The following ZDHHC9 variants were observed in gnomAD, a reference collection of about 807,000 sequenced individuals.
The protein encoded by ZDHHC9 is zDHHC palmitoyltransferase 9.
Under a neutral mutation model 26.6 loss-of-function variants are expected in ZDHHC9, and 3 were observed. That is an observed-to-expected ratio of 0.11 (90% CI 0.05 to 0.29). The LOEUF (loss-of-function observed/expected upper bound fraction) is 0.29. ZDHHC9 is among the 10% of genes least tolerant of loss of function. ZDHHC9 has a pLI of 1.00. For missense variants in ZDHHC9, 146 were observed against 296.4 expected (o/e 0.49, Z 3.73); for synonymous variants, 111 against 109.4 (o/e 1.01, Z -0.09).
At chrX:129,819,993 G>A (rs917988861) in intron 5 of ZDHHC9, among the ~76,000 whole-genome samples, 5 of 110,881 alleles carry the variant, frequency 4.5e-5, no homozygotes, top group Non-Finnish European at 9.4e-5. Context: ...CACCACACCC[G>A]GCTCTATAAT....
At chrX:129,829,592 G>A (rs142117099) in intron 3 of ZDHHC9, among the ~76,000 whole-genome samples, 68 of 111,805 alleles carry the variant, frequency 6.1e-4, no homozygotes, top group Middle Eastern at 4.6e-3. Context: ...AAAAGATGAG[G>A]ACCAACCAGA....
At chrX:129,836,891 G>A (rs1290579937) in intron 3 of ZDHHC9, among the ~76,000 whole-genome samples, 2 of 112,378 alleles carry the variant, frequency 1.8e-5, no homozygotes, top group African/African-American at 6.5e-5. Flanking sequence ...GCAAGAATCT[G>A]GAATATGCTG....
At chrX:129,813,502 C>T (rs1232601299) in intron 7 of ZDHHC9, among the ~76,000 whole-genome samples, 175 bp downstream of exon 7, 1 of 112,215 alleles carries the variant, frequency 8.9e-6, no homozygotes, top group African/African-American at 3.2e-5. Context: ...CCCTTTTAGT[C>T]CCGGTCATCT....
rs1032974332 is a variant in ZDHHC9 at position 129,837,758 on chromosome X, C to G, written c.167+4021G>C. Among the ~76,000 whole-genome samples, 36 of 112,355 alleles carry G rather than the reference C, an allele frequency of 3.2e-4. No individual in the cohort carries two copies. The Middle Eastern group carries it at 0.014, about 43-fold the overall frequency. ...AAGAGTCTCATAGTCATTCTTGCCA[C>G]AAGAGAAGTCTGAGGACCTTGATCC... On this transcript the variant is annotated intron_variant, in intron 3 of 10. Coordinates refer to ENST00000357166, the MANE Select transcript of ZDHHC9 (RefSeq NM_016032.4).
intron 3 of ZDHHC9, among the ~76,000 whole-genome samples, 160 bp from the exon 4 acceptor site, chrX:129,829,301 G>A (rs1422405811): frequency 1.8e-5 from 2 of 111,193 alleles, no homozygotes; most frequent in African/African-American, 6.5e-5. Context: ...CTAACATATG[G>A]CTTTACCCAT....
At chrX:129,810,629 A>C (rs1440241903) in intron 10 of ZDHHC9, among the ~76,000 whole-genome samples, 1 of 111,551 alleles carries the variant, frequency 9.0e-6, no homozygotes, top group African/African-American at 3.3e-5. Context: ...CTAGACAATG[A>C]GCTCCTTGAG....
At chrX:129,827,771 C>T (rs976015712) in intron 4 of ZDHHC9, among the ~76,000 whole-genome samples, 2 of 108,801 alleles carry the variant, frequency 1.8e-5, no homozygotes, top group African/African-American at 6.6e-5. Flanking sequence ...ACAGCTGCCC[C>T]CTTTCACATT....
intron 4 of ZDHHC9, among the ~76,000 whole-genome samples, chrX:129,825,504 ATTT>A (rs937450225): frequency 9.0e-6 from 1 of 110,989 alleles, no homozygotes; most frequent in African/African-American, 3.3e-5. Context: ...CTCATTGTTA[ATTT>A]TTTTTCTAAA....
At chrX:129,824,750 A>C (rs1388210962) in intron 4 of ZDHHC9, among the ~76,000 whole-genome samples, 7 of 112,434 alleles carry the variant, frequency 6.2e-5, no homozygotes, top group African/African-American at 2.3e-4. Context: ...CAATGTCACA[A>C]TAGAAGGGTG....
At chrX:129,827,919 C>T (rs750244486) in intron 4 of ZDHHC9, among the ~76,000 whole-genome samples, 2 of 112,026 alleles carry the variant, frequency 1.8e-5, no homozygotes, top group Non-Finnish European at 3.8e-5. Context: ...CAGGTTCAAG[C>T]GATTCTCGTG....
chrX:129,810,066 C>T (rs1927602382), intron 10 of ZDHHC9, among the ~76,000 whole-genome samples: 3 of 104,576 alleles, frequency 2.9e-5, no homozygotes, highest in African/African-American at 1.1e-4. Flanking sequence ...AAAAAGAAAG[C>T]TCAGCTGGGC....
chrX:129,834,254 A>G (rs1928209890), intron 3 of ZDHHC9, among the ~76,000 whole-genome samples: 1 of 111,354 alleles, frequency 9.0e-6, no homozygotes, highest in African/African-American at 3.3e-5. Context: ...TATGAGACAC[A>G]AATTTCTGTT....
chrX:129,808,701 A>G (rs1927571914), intron 10 of ZDHHC9, among the ~76,000 whole-genome samples: 1 of 112,375 alleles, frequency 8.9e-6, no homozygotes, highest in Admixed American at 9.4e-5. Context: ...AACAAAAGAA[A>G]AAAATAGACA....
chrX:129,821,628 A>T (rs1270396961), intron 5 of ZDHHC9, among the ~76,000 whole-genome samples: 1 of 108,546 alleles, frequency 9.2e-6, no homozygotes, highest in Non-Finnish European at 1.9e-5. Context: ...GCTTCACTTA[A>T]AATGGGTTTC....
At chrX:129,830,759 T>C (rs1420796001) in intron 3 of ZDHHC9, among the ~76,000 whole-genome samples, 2 of 111,568 alleles carry the variant, frequency 1.8e-5, no homozygotes, top group Non-Finnish European at 3.8e-5. Flanking sequence ...GTTTAACTCC[T>C]GGTTATATAT....
At chrX:129,836,936 G>A (rs181720763) in intron 3 of ZDHHC9, among the ~76,000 whole-genome samples, 41 of 112,454 alleles carry the variant, frequency 3.6e-4, no homozygotes, top group Middle Eastern at 4.6e-3. Context: ...CTTTACTAAA[G>A]CATGTGTGTT....
At chrX:129,813,370 A>G (rs1472646890) in intron 7 of ZDHHC9, among the ~76,000 whole-genome samples, 2 of 112,055 alleles carry the variant, frequency 1.8e-5, no homozygotes, top group Admixed American at 9.4e-5. Context: ...TCAAAAAAAG[A>G]AAATTCATAA....
chrX:129,811,628 A>G, intron 8 of ZDHHC9, 119 bp from the exon 9 acceptor site: 1 of 594,450 alleles, frequency 1.7e-6, no homozygotes. Flanking sequence ...GAAGAAACAC[A>G]TGCAGCATGG....
chrX:129,831,298 A>G (rs768696542), intron 3 of ZDHHC9, among the ~76,000 whole-genome samples: 3 of 112,078 alleles, frequency 2.7e-5, no homozygotes, highest in Non-Finnish European at 5.6e-5. Flanking sequence ...CACTAAGATC[A>G]TTCTTGAAAA....
Sources: gnomAD v4.1 joint callset for allele counts (sites outside exome capture counted in the v4.1 genomes callset) on GRCh38, gnomAD v4.1.1 for gene constraint, MANE v1.5 for transcripts, NCBI Gene and HGNC (gene_info 2026-07-23, HGNC 2026-07-21) for gene names.